FLNC: variants seen among roughly 807,000 people sequenced by gnomAD.
The protein encoded by FLNC is filamin-C.
FLNC carries 91 observed loss-of-function variants against 254.3 expected under a neutral mutation model. The ratio of observed to expected loss-of-function variants is 0.36; its 90% CI spans 0.30 to 0.43. The LOEUF is 0.43. Among genes scored for constraint, FLNC ranks in the 20% least tolerant of loss-of-function variants. The probability of loss-of-function intolerance (pLI) is 1.00; values close to 1 mark genes in which losing one functional copy is unlikely to be tolerated. For missense variants in FLNC, 2,853 were observed against 3,802.6 expected (o/e 0.75, Z 6.57); for synonymous variants, 1,430 against 1,577.2 (o/e 0.91, Z 2.21).
chr7:128,840,891 T>A lies in FLNC; in HGVS notation c.1734T>A (p.Gly578=). The part of the protein sequence containing the change: ...EAGVQKVRAW[G]PGLETGQVGK... Reference sequence around the variant, plus strand: ...GAGTGCAAAAGGTCCGGGCCTGGGGTCCTGGTTTGGAGACTGGCCAGGTGG... The same window carrying A: ...GAGTGCAAAAGGTCCGGGCCTGGGGACCTGGTTTGGAGACTGGCCAGGTGG... Residue 578 remains glycine (G), a synonymous_variant, in exon 11 of 48, where the codon GGT becomes GGA. Transcript: ENST00000325888. 2 of 1,613,328 alleles carry A rather than the reference T, an allele frequency of 1.2e-6. No homozygotes were observed. Among genetic ancestry groups the A allele is most frequent in the Non-Finnish European group, 1.7e-6 (2 of 1,179,830 alleles).
chr7:128,835,456 C>A lies in FLNC; in HGVS notation c.483C>A (p.Pro161=). Residue 161 remains proline (P), a synonymous_variant, in exon 2 of 48, where the codon CCC becomes CCA. Coordinates refer to ENST00000325888, the MANE Select transcript of FLNC (RefSeq NM_001458.5). The surrounding 1 kb of genome is among the most constrained non-coding windows in gnomAD (Gnocchi z 5.3). ...EDDEDARKQT[P]KQRLLGWIQN... Reference sequence around the variant, plus strand: ...ATGAGGATGCCCGCAAACAGACGCCCAAGCAGCGGCTGCTTGGCTGGATCC... The same window carrying A: ...ATGAGGATGCCCGCAAACAGACGCCAAAGCAGCGGCTGCTTGGCTGGATCC... The A allele has an allele frequency of 6.2e-7, 1 of 1,614,052 alleles. No individual in the cohort carries two copies. Among genetic ancestry groups the A allele is most frequent in the Non-Finnish European group, 8.5e-7 (1 of 1,180,034 alleles).
chr7:128,850,610 G>T, intron 32 of FLNC, 127 bp downstream of exon 32: 3 of 1,180,670 alleles, frequency 2.5e-6, no homozygotes, highest in Non-Finnish European at 3.7e-6. Context: ...GGGTCACACA[G>T]CAAGTTGGGC....
At position 128,841,005 on chromosome 7, in the gene FLNC, CG is replaced by C; in HGVS notation, c.1813+40del. On this transcript the variant is annotated intron_variant, in intron 11 of 47. Coordinates refer to ENST00000325888, the MANE Select transcript of FLNC (RefSeq NM_001458.5). The surrounding 1 kb of genome is among the most constrained non-coding windows in gnomAD (Gnocchi z 4.3). ...TGGGGGGCAGGAGGAGGGAGTGCTGCGGGGGAGGGCAGCAGGGGACACTGTG... is the reference window on the plus strand; with the variant it reads ...TGGGGGGCAGGAGGAGGGAGTGCTGCGGGGAGGGCAGCAGGGGACACTGTG... 6.4e-7 allele frequency: 1 copy of C among 1,571,238 alleles called. No homozygotes were observed. Among genetic ancestry groups the C allele is most frequent in the Non-Finnish European group, 8.6e-7 (1 of 1,157,262 alleles).
At chr7:128,834,319 C>A (rs1014522447) in intron 1 of FLNC, among the ~76,000 whole-genome samples, 6 of 150,636 alleles carry the variant, frequency 4.0e-5, no homozygotes, top group Admixed American at 1.3e-4. Context: ...GCGCCCCCCC[C>A]CCCCAAATCT....
intron 35 of FLNC, 90 bp from the exon 36 acceptor site, chr7:128,852,501 A>T (rs1368489156): frequency 7.4e-6 from 11 of 1,487,210 alleles, no homozygotes; most frequent in Non-Finnish European, 9.4e-6. Context: ...TGTTGAGTCC[A>T]GGGGGGGCTG....
At chr7:128,846,978 A>G in intron 24 of FLNC, 73 bp downstream of exon 24, 1 of 1,569,780 alleles carries the variant, frequency 6.4e-7, no homozygotes. Context: ...ACAAGGGGGA[A>G]ACTGGAAGGA....
chr7:128,830,451 A>T lies in FLNC; in HGVS notation c.-187A>T. The stretch of plus-strand genomic sequence containing the variant: ...CGGCCCTGGAGGGAGAGAGAGCCAG[A>T]GAGCGGCCGAGCGCCTAGGAGGCCC... On this transcript the variant is annotated 5_prime_UTR_variant, in exon 1 of 48. Coordinates refer to ENST00000325888, the MANE Select transcript of FLNC (RefSeq NM_001458.5). 1.6e-6 allele frequency: 1 copy of T among 607,398 alleles called. No homozygotes were observed. Among genetic ancestry groups the T allele is most frequent in the Non-Finnish European group, 2.9e-6 (1 of 344,662 alleles). The allele number at this position is 607,398 out of a possible 1,614,324, so 37.6% of individuals were successfully genotyped here.
At position 128,854,897 on chromosome 7, in the gene FLNC, G is replaced by A. The variant is rs1209762389; in HGVS notation, c.7120G>A (p.Val2374Ile). 5 of 1,614,108 alleles carry A rather than the reference G, an allele frequency of 3.1e-6. No individual in the cohort carries two copies. In the South Asian group the frequency reaches 4.4e-5, roughly 14 times the overall value. ...AGATGGCTCCTGCGGCGTCTCCTAT[G>A]TCGTCCAGGAACCAGGTGGGCGTCC... ...RKDGSCGVSY[V>I]VQEPGDYEVS... Residue 2374 changes from valine to isoleucine, a missense_variant, in exon 42 of 48, where the codon GTC (valine) becomes ATC (isoleucine). Transcript: ENST00000325888.
intron 36 of FLNC, 29 bp downstream of exon 36, chr7:128,852,781 G>A (rs759257854): frequency 6.2e-7 from 1 of 1,613,488 alleles, no homozygotes; most frequent in Non-Finnish European, 8.5e-7. Context: ...GGGGACCTCA[G>A]GGGTGGGGGC....
Position 128,838,427 on chromosome 7 carries a change from C to T in FLNC, c.1208C>T (p.Ala403Val), listed in dbSNP as rs777199447. The T allele has an allele frequency of 7.8e-6, 12 of 1,536,222 alleles. No homozygotes were observed. Among genetic ancestry groups the T allele is most frequent in the Middle Eastern group, 1.7e-4 (1 of 5,744 alleles). ...NKPTYFDIYT[A>V]GAGTGDVAVV... ...CCCACCTACTTTGACATCTACACTG[C>T]GGGTAGGACGGGCCCCAGGGGGTGC... The change falls in exon 7 of 48, where the codon GCG becomes GTG. Residue 403 changes from alanine to valine, a missense_variant and splice_region_variant. Ala to Val is a moderately conservative substitution (Grantham distance 64). This residue lies in a region of FLNC where 1,573 missense variants were observed against 1,883.5 expected (regional missense o/e 0.84). Transcript: ENST00000325888.
intron 1 of FLNC, among the ~76,000 whole-genome samples, chr7:128,831,226 T>C (rs1807878960): frequency 6.6e-6 from 1 of 151,350 alleles, no homozygotes; most frequent in Non-Finnish European, 1.5e-5. Flanking sequence ...AGTCCAGGCC[T>C]TAGGGTTTGC....
intron 1 of FLNC, among the ~76,000 whole-genome samples, chr7:128,832,605 G>A (rs372064508): frequency 6.6e-6 from 1 of 152,348 alleles, no homozygotes; most frequent in East Asian, 1.9e-4. Context: ...GCGGTGCCTG[G>A]CTCCAGCCCC....
Position 128,857,540 on chromosome 7 carries a change from C to T in FLNC, c.7780+204C>T, listed in dbSNP as rs1173655549. ...TAAAAATGCCATTCTTCCTCTCCAT[C>T]GTGGCCCCTCACTCCTTCAGCTCTG... On this transcript the variant is annotated intron_variant, in intron 46 of 47. Transcript: ENST00000325888. This position sits in a 1 kb window ranked among gnomAD's most constrained non-coding sequence, Gnocchi z 4.5. Among the ~76,000 whole-genome samples, 2 of 150,988 alleles carry T rather than the reference C, an allele frequency of 1.3e-5. No individual in the cohort carries two copies. Among genetic ancestry groups the T allele is most frequent in the East Asian group, 3.9e-4 (2 of 5,136 alleles).
At chr7:128,833,129 C>T (rs945938247) in intron 1 of FLNC, among the ~76,000 whole-genome samples, 1 of 152,226 alleles carries the variant, frequency 6.6e-6, no homozygotes, top group Non-Finnish European at 1.5e-5. Flanking sequence ...TTCATATCCT[C>T]ACCACCTTGT....
Position 128,852,626 on chromosome 7 carries a change from G to C in FLNC, c.5878G>C (p.Gly1960Arg). 6.2e-7 allele frequency: 1 copy of C among 1,613,308 alleles called. No individual in the cohort carries two copies. Among genetic ancestry groups the C allele is most frequent in the Non-Finnish European group, 8.5e-7 (1 of 1,180,020 alleles). Residue 1960 changes from glycine (G) to arginine (R), a missense_variant, in exon 36 of 48, where the codon GGC becomes CGC. Transcript: ENST00000325888. ...DSMRTSQLNVGTSTDVSLKIT... is the reference protein window; with the variant it reads ...DSMRTSQLNVRTSTDVSLKIT... ...CATGAGGACCTCACAGCTGAATGTG[G>C]GCACCTCCACGGACGTGTCACTGAA...
intron 22 of FLNC, 51 bp from the exon 23 acceptor site, chr7:128,846,250 G>A (rs1041692927): frequency 6.2e-7 from 1 of 1,606,220 alleles, no homozygotes; most frequent in East Asian, 2.3e-5. Context: ...GGGCAGGAGG[G>A]GTGGTGGGGG....
In FLNC at chr7:128,843,396, G is replaced by T; in HGVS notation, c.2642-12G>T. ...TGCCAGGCCCTCACCACATCTCTGGGTGGGTCCTCAGGTGTGGAAGTCGGG... is the reference window on the plus strand; with the variant it reads ...TGCCAGGCCCTCACCACATCTCTGGTTGGGTCCTCAGGTGTGGAAGTCGGG... On this transcript the variant is annotated splice_polypyrimidine_tract_variant and intron_variant, in intron 17 of 47. Transcript: ENST00000325888. The T allele has an allele frequency of 6.2e-7, 1 of 1,614,014 alleles. No homozygotes were observed. Among genetic ancestry groups the T allele is most frequent in the South Asian group, 1.1e-5 (1 of 91,078 alleles).
intron 1 of FLNC, among the ~76,000 whole-genome samples, chr7:128,833,982 G>A (rs991021790): frequency 1.3e-5 from 2 of 152,152 alleles, no homozygotes; most frequent in Non-Finnish European, 2.9e-5. Context: ...CACCCCTCCC[G>A]GGGCAGGTGG....
At chr7:128,840,469 G>A in intron 9 of FLNC, 79 bp from the exon 10 acceptor site, 2 of 1,602,740 alleles carry the variant, frequency 1.2e-6, no homozygotes, top group Non-Finnish European at 1.7e-6. Flanking sequence ...GGTCCCAATG[G>A]CTCCTTGAGG....
Sources: allele counts gnomAD v4.1 joint callset (sites outside exome capture counted in the v4.1 genomes callset), GRCh38; gene constraint gnomAD v4.1.1; regional missense constraint gnomAD v4.1.1; non-coding constraint Gnocchi (gnomAD v3.1); transcripts MANE v1.5; gene names NCBI Gene and HGNC (gene_info 2026-07-23, HGNC 2026-07-21).